Variants in NPAS3 observed in about 807,000 individuals in gnomAD.
NPAS3 encodes neuronal PAS domain-containing protein 3.
Under a neutral mutation model 73.1 loss-of-function variants are expected in NPAS3, and 14 were observed. The ratio of observed to expected loss-of-function variants is 0.19; its 90% CI spans 0.13 to 0.30. The LOEUF is 0.30. NPAS3 is among the 10% of genes least tolerant of loss of function. The pLI is 1.00. For synonymous variants in NPAS3, 620 were observed against 541.5 expected, an observed-to-expected ratio of 1.14 and a Z score of -2.01; for missense variants, 1,096 against 1,250.0, an observed-to-expected ratio of 0.88 and a Z score of 1.86.
intron 6 of NPAS3, among the ~76,000 whole-genome samples, chr14:33,685,255 G>A (rs188270024): frequency 6.6e-6 from 1 of 152,174 alleles, no homozygotes; most frequent in Non-Finnish European, 1.5e-5. Flanking sequence ...GGACACTATG[G>A]TGCGTAAGTA....
At position 33,051,263 on chromosome 14, in the gene NPAS3, A is replaced by C. The variant is rs10151241; in HGVS notation, c.51-4642A>C. On this transcript the variant is annotated intron_variant, in intron 1 of 11. Coordinates refer to ENST00000356141, the Ensembl canonical transcript of NPAS3. ...CAGTCCGCAGTCCGGCCTGGGCAAC[A>C]GAGCGAGACTCCGTCTCAAAAAAAA... 2.0e-3 allele frequency among the ~76,000 whole-genome samples: 263 copies of C among 129,078 alleles called. 2 individuals are homozygous for C. The highest frequency in any genetic ancestry group is 8.2e-3 in the Middle Eastern group (2 of 244). The allele number at this position is 129,078 out of a possible 152,430, so 84.7% of individuals were successfully genotyped here.
intron 4 of NPAS3, among the ~76,000 whole-genome samples, chr14:33,409,242 T>C (rs755676374): frequency 2.0e-5 from 3 of 152,112 alleles, no homozygotes; most frequent in Non-Finnish European, 4.4e-5. Flanking sequence ...TACAGAAGGA[T>C]AGTAACTGAT....
At chr14:33,183,421 G>GTTT (rs55643715) in intron 2 of NPAS3, among the ~76,000 whole-genome samples, 15 of 60,788 alleles carry the variant, frequency 2.5e-4, no homozygotes, top group East Asian at 1.8e-3. Flanking sequence ...GTGAGACTCT[G>GTTT]TTTTTTTTTT....
intron 3 of NPAS3, among the ~76,000 whole-genome samples, chr14:33,238,851 C>A (rs761223423): frequency 6.6e-6 from 1 of 151,852 alleles, no homozygotes; most frequent in Non-Finnish European, 1.5e-5. Flanking sequence ...GAAAGTCTTG[C>A]GCCGTGTGGA....
chr14:33,620,603 T>C (rs1225241752), intron 5 of NPAS3, among the ~76,000 whole-genome samples: 3 of 152,172 alleles, frequency 2.0e-5, no homozygotes, highest in Non-Finnish European at 4.4e-5. Context: ...TAAATTGACT[T>C]CAGATAAAGT....
intron 2 of NPAS3, among the ~76,000 whole-genome samples, chr14:33,121,946 T>A (rs2043245839): frequency 1.3e-5 from 2 of 152,170 alleles, no homozygotes; most frequent in African/African-American, 4.8e-5. Context: ...AAACAACACA[T>A]AACTTTCCAT....
At chr14:32,970,820 ATT>A (rs2037387700) in intron 1 of NPAS3, among the ~76,000 whole-genome samples, 1 of 151,910 alleles carries the variant, frequency 6.6e-6, no homozygotes. Flanking sequence ...CACATTTTTC[ATT>A]TGTGTAAGAA....
chr14:33,123,793 A>G lies in NPAS3; in HGVS notation c.140+67799A>G, dbSNP rs191533172. On this transcript the variant is annotated intron_variant, in intron 2 of 11. Coordinates refer to ENST00000356141, the Ensembl canonical transcript of NPAS3. ...TTCTTTTTTGGCAGCCTTAAAATCA[A>G]TTAGTGTCAATGAGTTGAATTCCAT... Among the ~76,000 whole-genome samples, 832 of 152,024 alleles carry G rather than the reference A, an allele frequency of 5.5e-3. 7 individuals carry two copies. Among genetic ancestry groups the G allele is most frequent in the African/African-American group, 0.019 (805 of 41,466 alleles).
At chr14:33,506,811 TA>T (rs2052787151) in intron 4 of NPAS3, among the ~76,000 whole-genome samples, 1 of 151,930 alleles carries the variant, frequency 6.6e-6, no homozygotes, top group African/African-American at 2.4e-5. Flanking sequence ...GTCTCCCCCC[TA>T]ATTCCCCACA....
chr14:33,079,609 CTTTTT>C (rs34920021), intron 2 of NPAS3, among the ~76,000 whole-genome samples: 1 of 56,046 alleles, frequency 1.8e-5, no homozygotes, highest in Non-Finnish European at 3.0e-5. Context: ...TGAGCCAGGC[CTTTTT>C]TTTTTTTTTT....
intron 2 of NPAS3, among the ~76,000 whole-genome samples, chr14:33,212,029 T>C (rs1412630847): frequency 1.3e-5 from 2 of 152,218 alleles, no homozygotes; most frequent in East Asian, 1.9e-4. Flanking sequence ...CACAATACTT[T>C]CGTTTAGAAC....
intron 3 of NPAS3, among the ~76,000 whole-genome samples, chr14:33,231,164 G>A (rs1356640987): frequency 6.6e-6 from 1 of 151,966 alleles, no homozygotes; most frequent in Non-Finnish European, 1.5e-5. Context: ...GACAAGTCCT[G>A]GACAATTGTT....
chr14:33,127,043 C>T (rs1050952948), intron 2 of NPAS3, among the ~76,000 whole-genome samples: 3 of 151,772 alleles, frequency 2.0e-5, no homozygotes, highest in African/African-American at 7.3e-5. Context: ...TGCCCTGGCT[C>T]TCCAACTGAG....
chr14:33,274,878 A>G (rs1023119797), intron 3 of NPAS3, among the ~76,000 whole-genome samples: 2 of 152,184 alleles, frequency 1.3e-5, no homozygotes, highest in Non-Finnish European at 2.9e-5. Context: ...ACATTTTTAT[A>G]TAAGAAAAGT....
chr14:33,772,597 T>A (rs1003202533), intron 7 of NPAS3, among the ~76,000 whole-genome samples: 5 of 152,232 alleles, frequency 3.3e-5, no homozygotes, highest in Admixed American at 2.0e-4. Flanking sequence ...AAGCTGAGTG[T>A]TCCTGATAAA....
intron 1 of NPAS3, among the ~76,000 whole-genome samples, chr14:33,025,776 C>T (rs1484772725): frequency 6.6e-6 from 1 of 152,134 alleles, no homozygotes; most frequent in Non-Finnish European, 1.5e-5. Flanking sequence ...GTGCTTGCTT[C>T]CCCTTTGCTT....
intron 5 of NPAS3, chr14:33,611,232 TGTTA>T (rs1167826401): frequency 6.6e-6 from 1 of 151,944 alleles, no homozygotes; most frequent in East Asian, 1.9e-4. Context: ...AAATAGCACA[TGTTA>T]ATAGGTTTTG....
intron 7 of NPAS3, among the ~76,000 whole-genome samples, chr14:33,756,676 A>C (rs1595560532): frequency 1.3e-5 from 2 of 152,248 alleles, no homozygotes; most frequent in South Asian, 4.1e-4. Context: ...AAAGAAAGAA[A>C]GGAAGTTGAG....
At chr14:33,300,896 C>T (rs1350101361) in intron 3 of NPAS3, among the ~76,000 whole-genome samples, 3 of 152,116 alleles carry the variant, frequency 2.0e-5, no homozygotes, top group Non-Finnish European at 2.9e-5. Context: ...CCCCAGCACC[C>T]CTCAGAGGCA....
Sources: allele counts gnomAD v4.1 joint callset (sites outside exome capture counted in the v4.1 genomes callset), GRCh38; gene constraint gnomAD v4.1.1; transcripts MANE v1.5; gene names NCBI Gene and HGNC (gene_info 2026-07-23, HGNC 2026-07-21).